The following RAP1GAP2 variants were observed in gnomAD, a reference collection of about 807,000 sequenced individuals.
RAP1GAP2 encodes RAP1 GTPase activating protein 2.
Under a neutral mutation model 95.0 loss-of-function variants are expected in RAP1GAP2, and 27 were observed. That is an observed-to-expected ratio of 0.28 (90% CI 0.21 to 0.39). The LOEUF (loss-of-function observed/expected upper bound fraction) is 0.39. RAP1GAP2 is among the 10% of genes least tolerant of loss of function. RAP1GAP2 has a pLI of 1.00. For synonymous variants in RAP1GAP2, 373 were observed against 380.9 expected (o/e 0.98, Z 0.24); for missense variants, 771 against 970.0 (o/e 0.79, Z 2.72).
intron 21 of RAP1GAP2, 92 bp downstream of exon 21, chr17:3,026,556 A>G (rs1430565356): frequency 2.8e-6 from 3 of 1,083,244 alleles, no homozygotes; most frequent in Admixed American, 5.3e-5. Flanking sequence ...ATCGAAGCCC[A>G]TGTCAGTCTT....
upstream of RAP1GAP2, among the ~76,000 whole-genome samples, chr17:2,773,642 G>A (rs2068438814): frequency 6.6e-6 from 1 of 152,088 alleles, no homozygotes; most frequent in African/African-American, 2.4e-5. Context: ...AAGTGCCCTG[G>A]AAGCTGAATT....
chr17:2,852,375 G>T (rs987801454), intron 2 of RAP1GAP2, among the ~76,000 whole-genome samples: 2 of 152,112 alleles, frequency 1.3e-5, no homozygotes, highest in Admixed American at 1.3e-4. Context: ...AGTGGTAACG[G>T]CTGCTTCATA....
At chr17:2,783,520 A>G (rs1269557535) in intron 1 of RAP1GAP2, among the ~76,000 whole-genome samples, 2 of 152,204 alleles carry the variant, frequency 1.3e-5, no homozygotes, top group African/African-American at 4.8e-5. Flanking sequence ...AATCCCTCCT[A>G]TATACTGTCT....
intron 3 of RAP1GAP2, among the ~76,000 whole-genome samples, chr17:2,955,033 G>T (rs2044060854): frequency 6.6e-6 from 1 of 152,208 alleles, no homozygotes; most frequent in Admixed American, 6.5e-5. Flanking sequence ...TCAGTTGATG[G>T]ACATTTGGGT....
intron 1 of RAP1GAP2, among the ~76,000 whole-genome samples, chr17:2,760,108 A>C (rs1343106460): frequency 6.6e-6 from 1 of 151,572 alleles, no homozygotes; most frequent in Non-Finnish European, 1.5e-5. Flanking sequence ...CCTGGCTAAC[A>C]CGGTGAAACC....
chr17:2,857,596 A>C lies in RAP1GAP2; in HGVS notation c.81-47688A>C, dbSNP rs1178997396. The stretch of plus-strand genomic sequence containing the variant: ...TTTCTGGCACATGGGATCCTGTAAA[A>C]GCAGTGGCGTGTCTGAGAGGGGATT... On this transcript the variant is annotated intron_variant, in intron 2 of 24. Coordinates refer to ENST00000254695, the MANE Select transcript of RAP1GAP2 (RefSeq NM_015085.5). The surrounding 1 kb of genome is among the most constrained non-coding windows in gnomAD (Gnocchi z 4.0). 6.6e-6 allele frequency among the ~76,000 whole-genome samples: 1 copy of C among 152,154 alleles called. No individual in the cohort carries two copies. Among genetic ancestry groups the C allele is most frequent in the Admixed American group, 6.5e-5 (1 of 15,280 alleles).
intron 3 of RAP1GAP2, among the ~76,000 whole-genome samples, chr17:2,935,062 A>T (rs4790389): frequency 0.85 from 128,867 of 152,170 alleles, 55,083 homozygotes; most frequent in Non-Finnish European, 0.91. Flanking sequence ...GCCCTGTTAG[A>T]GTGAAGGCTC....
intron 2 of RAP1GAP2, among the ~76,000 whole-genome samples, chr17:2,887,800 G>A (rs1246387321): frequency 4.6e-5 from 7 of 150,978 alleles, no homozygotes; most frequent in African/African-American, 1.7e-4. Flanking sequence ...TCAGCCTCCC[G>A]AGTACCTGGG....
chr17:2,835,767 A>C (rs9747501), intron 2 of RAP1GAP2, among the ~76,000 whole-genome samples: 120,436 of 152,224 alleles, frequency 0.79, 48,355 homozygotes, highest in African/African-American at 0.94. Flanking sequence ...AAAGTTGTTT[A>C]GTAGAACGTC....
At chr17:2,938,755 G>A (rs900035525) in intron 3 of RAP1GAP2, among the ~76,000 whole-genome samples, 2 of 152,110 alleles carry the variant, frequency 1.3e-5, no homozygotes, top group African/African-American at 2.4e-5. Flanking sequence ...GGGAGGCCTA[G>A]GCAGGTGGAT....
At chr17:3,025,222 C>A (rs926969496) in intron 19 of RAP1GAP2, among the ~76,000 whole-genome samples, 1 of 152,154 alleles carries the variant, frequency 6.6e-6, no homozygotes, top group Non-Finnish European at 1.5e-5. Context: ...ACTAAAAGTA[C>A]AAAAATTAGC....
intron 2 of RAP1GAP2, among the ~76,000 whole-genome samples, chr17:2,888,921 C>T (rs2073595357): frequency 6.6e-6 from 1 of 151,790 alleles, no homozygotes; most frequent in Admixed American, 6.6e-5. Context: ...CCTTGGCCTC[C>T]CAAAGTGTAG....
intron 3 of RAP1GAP2, among the ~76,000 whole-genome samples, chr17:2,918,052 C>T (rs1315439526): frequency 6.6e-6 from 1 of 151,964 alleles, no homozygotes; most frequent in East Asian, 1.9e-4. Flanking sequence ...AACCTCTGTG[C>T]ATCTCAGTTT....
chr17:2,786,024 C>T (rs1265836271), intron 1 of RAP1GAP2, among the ~76,000 whole-genome samples: 5 of 151,774 alleles, frequency 3.3e-5, no homozygotes, highest in Non-Finnish European at 5.9e-5. Context: ...GCCTCAGCCT[C>T]CTGCGTAGCT....
chr17:3,024,543 G>T (rs117985120), intron 19 of RAP1GAP2, among the ~76,000 whole-genome samples: 96 of 152,206 alleles, frequency 6.3e-4, no homozygotes, highest in Non-Finnish European at 1.0e-3. Flanking sequence ...CCGCTCCTAG[G>T]TGTATACCCA....
chr17:2,985,130 C>A (rs1388168412), intron 11 of RAP1GAP2, 64 bp downstream of exon 11: 2 of 1,605,780 alleles, frequency 1.2e-6, no homozygotes, highest in African/African-American at 2.7e-5. Flanking sequence ...CTCTTTTTAT[C>A]CCCACCCAGA....
At chr17:2,977,677 A>G (rs1462922471) in intron 8 of RAP1GAP2, among the ~76,000 whole-genome samples, 6 of 148,180 alleles carry the variant, frequency 4.0e-5, no homozygotes, top group Admixed American at 3.4e-4. Context: ...CCCGGGAGGC[A>G]GAGGTTGCAG....
At chr17:2,829,665 T>C (rs1164452014) in intron 2 of RAP1GAP2, among the ~76,000 whole-genome samples, 1 of 152,196 alleles carries the variant, frequency 6.6e-6, no homozygotes, top group Admixed American at 6.6e-5. Context: ...CTCCGTGCTC[T>C]GTGAATTATT....
chr17:2,967,881 A>C (rs2044686406), intron 8 of RAP1GAP2, among the ~76,000 whole-genome samples: 1 of 152,174 alleles, frequency 6.6e-6, no homozygotes, highest in South Asian at 2.1e-4. Context: ...CTCCAGTCTA[A>C]GATCTAAGTA....
Sources: gnomAD v4.1 joint callset for allele counts (sites outside exome capture counted in the v4.1 genomes callset) on GRCh38, gnomAD v4.1.1 for gene constraint, Gnocchi (gnomAD v3.1) non-coding constraint, MANE v1.5 for transcripts, NCBI Gene and HGNC (gene_info 2026-07-23, HGNC 2026-07-21) for gene names.